The following NEGR1 variants were observed in gnomAD, a reference collection of about 807,000 sequenced individuals.
The protein encoded by NEGR1 is neuronal growth regulator 1.
A neutral mutation model predicts 40.9 loss-of-function variants in NEGR1; 10 were observed. The observed-to-expected ratio is 0.24, with a 90% CI of 0.15 to 0.42. NEGR1 has a LOEUF of 0.42. Among genes scored for constraint, NEGR1 ranks in the 10% least tolerant of loss-of-function variants. The pLI is 1.00. For missense variants in NEGR1, 352 were observed against 438.9 expected, an observed-to-expected ratio of 0.80 and a Z score of 1.77; for synonymous variants, 185 against 166.8, an observed-to-expected ratio of 1.11 and a Z score of -0.84.
At chr1:71,788,333 T>C (rs1398490465) in intron 2 of NEGR1, among the ~76,000 whole-genome samples, 2 of 152,142 alleles carry the variant, frequency 1.3e-5, no homozygotes, top group African/African-American at 4.8e-5. Flanking sequence ...GTGCATTCTC[T>C]TATAATTCAA....
chr1:71,702,389 T>C (rs1653726871), intron 3 of NEGR1, among the ~76,000 whole-genome samples: 1 of 152,052 alleles, frequency 6.6e-6, no homozygotes, highest in South Asian at 2.1e-4. Context: ...AATATCACTG[T>C]CATAACTTAA....
chr1:72,265,996 A>G (rs1655625845), intron 1 of NEGR1, among the ~76,000 whole-genome samples: 1 of 150,968 alleles, frequency 6.6e-6, no homozygotes, highest in South Asian at 2.1e-4. Flanking sequence ...ACTTTGAGAT[A>G]GCATTAAATT....
chr1:71,502,891 GGCC>G (rs1647008536), intron 6 of NEGR1, among the ~76,000 whole-genome samples: 2 of 152,178 alleles, frequency 1.3e-5, no homozygotes, highest in Non-Finnish European at 2.9e-5. Context: ...CAAGGGAAAT[GGCC>G]AGAGACAGAG....
rs1646265386 is a variant in NEGR1, at chr1:71,404,462, G to A, written c.*2984C>T. On this transcript the variant is annotated 3_prime_UTR_variant, in exon 7 of 7. Transcript: ENST00000357731. ...GAAAAACGTAGTTACACCACTTGCA[G>A]TTAAACTAAGAATGCAAATGTGTAA... 6.6e-6 allele frequency: 1 copy of A among 151,958 alleles called. No individual in the cohort carries two copies. The highest frequency in any genetic ancestry group is 6.6e-5 in the Admixed American group (1 of 15,168). 9.4% of individuals were successfully genotyped at this position (151,958 alleles called of 1,614,324 possible).
intron 1 of NEGR1, among the ~76,000 whole-genome samples, chr1:72,150,702 C>G (rs1030615798): frequency 6.6e-6 from 1 of 152,036 alleles, no homozygotes; most frequent in Non-Finnish European, 1.5e-5. Flanking sequence ...AAGCTGTCAA[C>G]AGTGAAGATT....
chr1:71,866,239 C>T (rs537641479), intron 2 of NEGR1, among the ~76,000 whole-genome samples: 1 of 152,152 alleles, frequency 6.6e-6, no homozygotes, highest in South Asian at 2.1e-4. Context: ...ATAATTACAA[C>T]TAAGAAACAC....
At chr1:71,844,716 C>T (rs900324232) in intron 2 of NEGR1, among the ~76,000 whole-genome samples, 1 of 152,106 alleles carries the variant, frequency 6.6e-6, no homozygotes, top group Non-Finnish European at 1.5e-5. Context: ...AGTTTCTCAC[C>T]AGCCTTTTCA....
chr1:71,689,052 T>G (rs2101619738), intron 4 of NEGR1, among the ~76,000 whole-genome samples: 1 of 152,310 alleles, frequency 6.6e-6, no homozygotes, highest in South Asian at 2.1e-4. Flanking sequence ...TAAACAGAAT[T>G]TCTCCTTTAA....
At chr1:71,878,994 G>A (rs553124209) in intron 2 of NEGR1, among the ~76,000 whole-genome samples, 287 of 152,090 alleles carry the variant, frequency 1.9e-3, no homozygotes, top group African/African-American at 6.7e-3. Context: ...TTAGCCAGGG[G>A]TGGTGGTGCA....
At chr1:72,051,154 A>G (rs1175780503) in intron 1 of NEGR1, among the ~76,000 whole-genome samples, 1 of 151,520 alleles carries the variant, frequency 6.6e-6, no homozygotes, top group Non-Finnish European at 1.5e-5. Context: ...ATCCATTTAT[A>G]TGTAAATTTC....
Position 71,553,675 on chromosome 1 carries a change from T to C in NEGR1, c.940+39142A>G, listed in dbSNP as rs553058815. Among the ~76,000 whole-genome samples, 240 of 151,706 alleles carry C rather than the reference T, an allele frequency of 1.6e-3. 1 individual carries two copies. The highest frequency in any genetic ancestry group is 2.3e-3 in the Non-Finnish European group (153 of 67,670). ...TCCTTTTCTAGGAATTAAACACAGA[T>C]AATTTCACATCTGTTTGTGCATAAT... On this transcript the variant is annotated intron_variant, in intron 6 of 6. Coordinates refer to ENST00000357731, the MANE Select transcript of NEGR1 (RefSeq NM_173808.3).
intron 3 of NEGR1, among the ~76,000 whole-genome samples, chr1:71,701,119 C>T (rs1374987258): frequency 2.0e-5 from 3 of 151,992 alleles, no homozygotes; most frequent in Non-Finnish European, 4.4e-5. Flanking sequence ...TTCTGACATA[C>T]AGAATTGAAG....
chr1:71,562,063 G>A (rs895213931), intron 6 of NEGR1, among the ~76,000 whole-genome samples: 7 of 151,180 alleles, frequency 4.6e-5, no homozygotes, highest in African/African-American at 1.2e-4. Flanking sequence ...ATGAAGATCC[G>A]CTAATAATGA....
chr1:72,112,256 C>G (rs1313642730), intron 1 of NEGR1, among the ~76,000 whole-genome samples: 1 of 137,392 alleles, frequency 7.3e-6, no homozygotes, highest in Non-Finnish European at 1.6e-5. Context: ...GAGTTGTACA[C>G]TTTTACGTTT....
intron 1 of NEGR1, among the ~76,000 whole-genome samples, chr1:72,141,062 C>T (rs1240671982): frequency 3.3e-5 from 5 of 151,506 alleles, no homozygotes; most frequent in Admixed American, 2.6e-4. Context: ...ATCCTAAAAC[C>T]GAAAAATGTA....
intron 4 of NEGR1, among the ~76,000 whole-genome samples, chr1:71,677,285 C>A (rs552977018): frequency 6.6e-6 from 1 of 152,036 alleles, no homozygotes; most frequent in African/African-American, 2.4e-5. Context: ...AGGATAAAAT[C>A]GTAATTTACT....
intron 1 of NEGR1, among the ~76,000 whole-genome samples, chr1:72,065,043 G>T (rs371478420): frequency 3.9e-5 from 6 of 151,912 alleles, no homozygotes; most frequent in African/African-American, 1.4e-4. Flanking sequence ...AGTATTCCAA[G>T]AAAACAACTC....
intron 3 of NEGR1, among the ~76,000 whole-genome samples, chr1:71,726,249 C>A (rs928397050): frequency 2.6e-5 from 4 of 151,518 alleles, no homozygotes; most frequent in Non-Finnish European, 4.4e-5. Context: ...ATTTTTTTAT[C>A]CCCACCCAGT....
chr1:71,830,270 TTGGTG>T (rs1557668853), intron 2 of NEGR1, among the ~76,000 whole-genome samples: 3 of 151,970 alleles, frequency 2.0e-5, no homozygotes, highest in Non-Finnish European at 4.4e-5. Flanking sequence ...GAATATCTAC[TTGGTG>T]TTCAGCATTG....
Sources: allele counts gnomAD v4.1 joint callset (sites outside exome capture counted in the v4.1 genomes callset), GRCh38; gene constraint gnomAD v4.1.1; transcripts MANE v1.5; gene names NCBI Gene and HGNC (gene_info 2026-07-23, HGNC 2026-07-21).